Variants in SMOC2 observed in about 807,000 individuals in gnomAD.
The protein encoded by SMOC2 is SPARC-related modular calcium-binding protein 2.
In SMOC2, 39 loss-of-function variants were observed where a neutral mutation model predicts 61.4. That is an observed-to-expected ratio of 0.64 (90% CI 0.49 to 0.83). The LOEUF is 0.83. Ranked by LOEUF, SMOC2 falls within the 40% of genes least tolerant of loss-of-function variation. The pLI, the probability that SMOC2 is intolerant of heterozygous loss-of-function variation, is 0.00. For synonymous variants in SMOC2, 247 were observed against 239.9 expected (o/e 1.03, Z -0.27); for missense variants, 556 against 592.9 (o/e 0.94, Z 0.65).
At chr6:168,586,073 A>G (rs1408458218) in intron 7 of SMOC2, among the ~76,000 whole-genome samples, 3 of 152,250 alleles carry the variant, frequency 2.0e-5, no homozygotes, top group Non-Finnish European at 4.4e-5. Flanking sequence ...CTAACCCAAT[A>G]TCTCAATAAT....
At position 168,473,745 on chromosome 6, in the gene SMOC2, T is replaced by A. The variant is rs1000165815; in HGVS notation, c.84+32291T>A. 3.3e-5 allele frequency among the ~76,000 whole-genome samples: 5 copies of A among 152,018 alleles called. 1 individual carries two copies. Among genetic ancestry groups the A allele is most frequent in the Non-Finnish European group, 7.4e-5 (5 of 67,980 alleles). ...GTCACCGTAACTGATGAGGGCACAG[T>A]CTATGCAAAGCCAGTGCTGCCAAGG... On this transcript the variant is annotated intron_variant, in intron 1 of 12. Transcript: ENST00000356284.
rs560332711 is a variant in SMOC2, at chr6:168,441,885, G to T, written c.84+431G>T. ...GGTCTGGGAGCGCCGGCGCCGCCCCGCGGACTGTCCCAAGGCCAAGACAGA... is the reference window on the plus strand; with the variant it reads ...GGTCTGGGAGCGCCGGCGCCGCCCCTCGGACTGTCCCAAGGCCAAGACAGA... On this transcript the variant is annotated intron_variant, in intron 1 of 12. Transcript: ENST00000356284. 7.9e-5 allele frequency among the ~76,000 whole-genome samples: 12 copies of T among 152,246 alleles called. No individual in the cohort carries two copies. In the South Asian group the frequency reaches 2.3e-3, roughly 29 times the overall value.
intron 7 of SMOC2, among the ~76,000 whole-genome samples, chr6:168,575,862 T>C (rs749706105): frequency 9.9e-5 from 15 of 150,954 alleles, no homozygotes; most frequent in Non-Finnish European, 1.6e-4. Flanking sequence ...AGTTCCTCTC[T>C]CAGGATCATC....
intron 2 of SMOC2, among the ~76,000 whole-genome samples, chr6:168,518,424 A>AGT (rs1216379524): frequency 1.4e-5 from 2 of 146,358 alleles, no homozygotes; most frequent in African/African-American, 2.6e-5. Flanking sequence ...TGTGTGCATG[A>AGT]GTGTGCATGT....
chr6:168,613,513 C>T (rs1785946570), intron 9 of SMOC2, among the ~76,000 whole-genome samples: 4 of 152,290 alleles, frequency 2.6e-5, no homozygotes, highest in Admixed American at 2.0e-4. Flanking sequence ...GTCAAACAGC[C>T]TCTCACCCAA....
intron 7 of SMOC2, among the ~76,000 whole-genome samples, chr6:168,575,124 G>C (rs546162838): frequency 6.6e-6 from 1 of 152,194 alleles, no homozygotes; most frequent in Non-Finnish European, 1.5e-5. Context: ...AGCGCTGGGC[G>C]GGCGTGGACT....
At chr6:168,508,328 A>G (rs953218986) in intron 1 of SMOC2, among the ~76,000 whole-genome samples, 1 of 152,202 alleles carries the variant, frequency 6.6e-6, no homozygotes, top group Non-Finnish European at 1.5e-5. Flanking sequence ...TTGGGTCAAG[A>G]TTTATCTTCA....
At chr6:168,478,587 A>G (rs1293879929) in intron 1 of SMOC2, among the ~76,000 whole-genome samples, 2 of 152,246 alleles carry the variant, frequency 1.3e-5, no homozygotes, top group African/African-American at 4.8e-5. Flanking sequence ...GGTCCATTTG[A>G]GGTAAAGAAC....
intron 9 of SMOC2, among the ~76,000 whole-genome samples, chr6:168,646,583 C>T (rs1787038042): frequency 6.6e-6 from 1 of 152,316 alleles, no homozygotes; most frequent in African/African-American, 2.4e-5. Flanking sequence ...AAGGACGTTT[C>T]ATAGAAAGCA....
intron 7 of SMOC2, 90 bp downstream of exon 7, chr6:168,549,293 C>A: frequency 1.6e-6 from 2 of 1,243,876 alleles, no homozygotes; most frequent in Non-Finnish European, 2.3e-6. Flanking sequence ...GTGTATTGTA[C>A]AGTTGACCCT....
In SMOC2 at chr6:168,652,935, G is replaced by C. The variant is rs868133518; in HGVS notation, c.1011-19G>C. On this transcript the variant is annotated intron_variant, in intron 10 of 12. Transcript: ENST00000356284. ...GCCCAGGGGTTTAAGCATCCTGACG[G>C]CATCTGTGTTCCTTCCAGGCTCTCA... The C allele has an allele frequency of 6.2e-7, 1 of 1,609,128 alleles. No individual in the cohort carries two copies. The highest frequency in any genetic ancestry group is 8.5e-7 in the Non-Finnish European group (1 of 1,177,772).
intron 1 of SMOC2, among the ~76,000 whole-genome samples, chr6:168,448,866 A>G (rs1197077631): frequency 6.6e-6 from 1 of 152,164 alleles, no homozygotes; most frequent in African/African-American, 2.4e-5. Flanking sequence ...CAGTTTTAGA[A>G]TGGTAGGGTT....
intron 7 of SMOC2, among the ~76,000 whole-genome samples, chr6:168,554,646 A>G (rs1310002810): frequency 6.6e-6 from 1 of 152,226 alleles, no homozygotes; most frequent in Non-Finnish European, 1.5e-5. Flanking sequence ...GACCACACAC[A>G]GTCCTCGGAG....
At chr6:168,590,212 T>A (rs1785143981) in intron 7 of SMOC2, among the ~76,000 whole-genome samples, 1 of 96,062 alleles carries the variant, frequency 1.0e-5, no homozygotes, top group Non-Finnish European at 2.1e-5. Flanking sequence ...GCCGGCCTGG[T>A]GTTGGTCAGG....
intron 7 of SMOC2, among the ~76,000 whole-genome samples, chr6:168,559,722 C>T (rs1438062262): frequency 5.9e-5 from 9 of 152,158 alleles, no homozygotes; most frequent in Admixed American, 5.9e-4. Context: ...GTTCTATCAA[C>T]AGCAACCCTC....
chr6:168,510,771 G>A (rs118005241), intron 2 of SMOC2, among the ~76,000 whole-genome samples: 2 of 152,270 alleles, frequency 1.3e-5, no homozygotes, highest in Non-Finnish European at 2.9e-5. Flanking sequence ...CAGTGTCTAC[G>A]TCCCTGCTTA....
At position 168,568,318 on chromosome 6, in the gene SMOC2, G is replaced by A. The variant is rs142929651; in HGVS notation, c.637+19115G>A. Among the ~76,000 whole-genome samples the A allele has an allele frequency of 6.9e-3, 1,044 of 152,308 alleles. 17 individuals carry two copies. The highest frequency in any genetic ancestry group is 0.024 in the African/African-American group (990 of 41,558). On this transcript the variant is annotated intron_variant, in intron 7 of 12. Coordinates refer to ENST00000356284, the MANE Select transcript of SMOC2 (RefSeq NM_001166412.2). ...TTTCACAGACTTTATTTTTAGAGCAGTTTTACTTTTAGAGAAAAAAATTAT... is the reference window on the plus strand; with the variant it reads ...TTTCACAGACTTTATTTTTAGAGCAATTTTACTTTTAGAGAAAAAAATTAT...
Position 168,544,316 on chromosome 6 carries a change from C to T in SMOC2, c.511+644C>T, listed in dbSNP as rs1054831466. ...TCTTACATCAGCCTTTAAAGTCAGA[C>T]GTTGTTTTCAAGATGAGAAGAAATA... is the stretch of plus-strand genomic sequence containing the variant. On this transcript the variant is annotated intron_variant, in intron 5 of 12. Transcript: ENST00000356284. This position sits in a 1 kb window ranked among gnomAD's most constrained non-coding sequence, Gnocchi z 4.1. Among the ~76,000 whole-genome samples, 3 of 152,120 alleles carry T rather than the reference C, an allele frequency of 2.0e-5. No homozygotes were observed. The highest frequency in any genetic ancestry group is 4.4e-5 in the Non-Finnish European group (3 of 68,028).
chr6:168,510,046 A>C lies in SMOC2; in HGVS notation c.216A>C (p.Lys72Asn). ...SRCEFQRAKC[K>N]DPQLEIAYRG... ...GTGAATTTCAACGTGCCAAGTGCAA[A>C]GATCCCCAGCTAGAGATTGCATATC... Residue 72 changes from lysine to asparagine, a missense_variant, in exon 2 of 13, where the codon AAA becomes AAC. Transcript: ENST00000356284. 6.2e-7 allele frequency: 1 copy of C among 1,614,214 alleles called. No homozygotes were observed. Among genetic ancestry groups the C allele is most frequent in the Non-Finnish European group, 8.5e-7 (1 of 1,180,040 alleles).
Sources: gnomAD v4.1 joint callset for allele counts (sites outside exome capture counted in the v4.1 genomes callset) on GRCh38, gnomAD v4.1.1 for gene constraint, Gnocchi (gnomAD v3.1) non-coding constraint, MANE v1.5 for transcripts, NCBI Gene and HGNC (gene_info 2026-07-23, HGNC 2026-07-21) for gene names.